Variants in TG observed in about 807,000 individuals in gnomAD.
TG encodes thyroid hormones.
TG carries 270 observed loss-of-function variants against 324.7 expected under a neutral mutation model. The observed-to-expected ratio is 0.83, with a 90% CI of 0.75 to 0.92. The LOEUF (loss-of-function observed/expected upper bound fraction) is 0.92, where lower values mean the gene tolerates loss of function less well. Among genes scored for constraint, TG ranks in the 40% least tolerant of loss-of-function variants. The probability of loss-of-function intolerance (pLI) is 0.00; values close to 1 mark genes in which losing one functional copy is unlikely to be tolerated. For missense variants in TG, 3,591 were observed against 3,456.4 expected, an observed-to-expected ratio of 1.04 and a Z score of -0.98; for synonymous variants, 1,401 against 1,327.0, an observed-to-expected ratio of 1.06 and a Z score of -1.21.
At chr8:133,108,926 A>G (rs1213602880) in intron 43 of TG, among the ~76,000 whole-genome samples, 1 of 152,202 alleles carries the variant, frequency 6.6e-6, no homozygotes, top group African/African-American at 2.4e-5. Flanking sequence ...AAGGTTGTTG[A>G]CCATGTGCCA....
chr8:133,095,119 G>A lies in TG; in HGVS notation c.7315G>A (p.Glu2439Lys). ...AQQQAIALAK[E>K]VSCPMSSSQE... is the part of the protein sequence containing the mutation. Reference sequence around the variant, plus strand: ...GCAGCAGGCAATTGCTTTGGCAAAGGAGGTCAGTTGCCCCATGTCATCCAG... The same window carrying A: ...GCAGCAGGCAATTGCTTTGGCAAAGAAGGTCAGTTGCCCCATGTCATCCAG... The change falls in exon 42 of 48, where the codon GAG (glutamate) becomes AAG (lysine). Residue 2439 changes from glutamate to lysine, a missense_variant. Physicochemically the swap from Glu to Lys is moderately conservative, Grantham distance 56. Coordinates refer to ENST00000220616, the MANE Select transcript of TG (RefSeq NM_003235.5). 6.2e-7 allele frequency: 1 copy of A among 1,614,234 alleles called. No individual in the cohort carries two copies. Among genetic ancestry groups the A allele is most frequent in the East Asian group, 2.2e-5 (1 of 44,884 alleles).
In TG at chr8:132,887,271, C is replaced by T. The variant is rs147501075; in HGVS notation, c.1899C>T (p.Ser633=). 73 of 1,601,510 alleles carry T rather than the reference C, an allele frequency of 4.6e-5. 2 individuals carry two copies. In the South Asian group the frequency reaches 4.6e-4, roughly 10 times the overall value. Residue 633 remains serine (S), a synonymous_variant, in exon 9 of 48, where the codon TCC becomes TCT. Transcript: ENST00000220616. ...EGSYEDVQCF[S]GECWCVNSWG... ...GCTATGAGGATGTCCAATGCTTTTC[C>T]GGAGAGTGCTGGTGTGTGAATTCCT...
At chr8:132,989,853 G>T (rs1316393460) in intron 35 of TG, among the ~76,000 whole-genome samples, 1 of 152,330 alleles carries the variant, frequency 6.6e-6, no homozygotes, top group East Asian at 1.9e-4. Flanking sequence ...GGTGCAGCAC[G>T]TGGGCTTTGA....
intron 41 of TG, chr8:133,038,835 G>A: frequency 2.8e-6 from 2 of 712,198 alleles, no homozygotes; most frequent in Admixed American, 5.7e-5. Context: ...AGGAGGAAAA[G>A]AAAAACAAAA....
In TG at chr8:132,967,832, A is replaced by G. The variant is rs965332065; in HGVS notation, c.5725A>G (p.Ile1909Val). Reference protein sequence around the residue: ...QEHSFCQLAEITESASLYFTC... With the variant: ...QEHSFCQLAEVTESASLYFTC... ...GCACTCTTTCTGTCAGCTCGCAGAG[A>G]TAACAGAGAGTGCATCCTTGTACTT... The change falls in exon 31 of 48, where the codon ATA becomes GTA. Residue 1909 changes from isoleucine to valine, a missense_variant. Physicochemically the swap from Ile to Val is conservative, Grantham distance 29. Coordinates refer to ENST00000220616, the MANE Select transcript of TG (RefSeq NM_003235.5). The G allele has an allele frequency of 6.2e-6, 10 of 1,613,968 alleles. No individual in the cohort carries two copies. The highest frequency in any genetic ancestry group is 8.5e-6 in the Non-Finnish European group (10 of 1,179,904).
At position 133,058,857 on chromosome 8, in the gene TG, G is replaced by A. The variant is rs535931885; in HGVS notation, c.7239+28834G>A. Among the ~76,000 whole-genome samples, 3 of 152,308 alleles carry A rather than the reference G, an allele frequency of 2.0e-5. No individual in the cohort carries two copies. In the South Asian group the frequency reaches 6.2e-4, roughly 32 times the overall value. On this transcript the variant is annotated intron_variant, in intron 41 of 47. Transcript: ENST00000220616. The stretch of plus-strand genomic sequence containing the variant: ...TTTATCCCTCTTGCATTTGGCTTGA[G>A]AAGGAGAGTTACTTCACTAGATAAA...
In TG at chr8:133,134,666, T is replaced by G. The variant is rs753715756; in HGVS notation, c.8189-10T>G. 6.2e-7 allele frequency: 1 copy of G among 1,612,854 alleles called. No individual in the cohort carries two copies. Among genetic ancestry groups the G allele is most frequent in the Non-Finnish European group, 8.5e-7 (1 of 1,178,958 alleles). On this transcript the variant is annotated splice_polypyrimidine_tract_variant and intron_variant, in intron 47 of 47. Coordinates refer to ENST00000220616, the MANE Select transcript of TG (RefSeq NM_003235.5). Reference sequence around the variant, plus strand: ...GGCTTGGACCAACCTTCCTTGCCCCTCTGTTTCAGATGGAGCCAAGGGCGG... The same window carrying G: ...GGCTTGGACCAACCTTCCTTGCCCCGCTGTTTCAGATGGAGCCAAGGGCGG...
rs1385121418 is a variant in TG, at chr8:132,974,172, T to C, written c.6199+1431T>C. 2.6e-5 allele frequency among the ~76,000 whole-genome samples: 4 copies of C among 152,054 alleles called. No individual in the cohort carries two copies. In the East Asian group the frequency reaches 7.7e-4, roughly 29 times the overall value. On this transcript the variant is annotated intron_variant, in intron 34 of 47. Transcript: ENST00000220616. ...CCATGCCCAGCTAATTTTTGTATTT[T>C]CAGTAGAGATGGGATTTCACCATGT...
Position 132,919,738 on chromosome 8 carries a change from C to T in TG, c.4528+213C>T, listed in dbSNP as rs139918385. Among the ~76,000 whole-genome samples, 19 of 152,330 alleles carry T rather than the reference C, an allele frequency of 1.2e-4. No individual in the cohort carries two copies. In the East Asian group the frequency reaches 3.7e-3, roughly 29 times the overall value. ...TGTGACAGCCAAACATGTCTCCAGA[C>T]ATTGCCAAATGTCTCTTGGGTGGAA... On this transcript the variant is annotated intron_variant, in intron 21 of 47. Transcript: ENST00000220616.
intron 45 of TG, among the ~76,000 whole-genome samples, chr8:133,124,093 C>T (rs965667736): frequency 6.6e-6 from 1 of 152,234 alleles, no homozygotes; most frequent in Non-Finnish European, 1.5e-5. Context: ...CCAGACATTG[C>T]ATGAGGAGCT....
chr8:132,999,121 G>A (rs918185150), intron 35 of TG, among the ~76,000 whole-genome samples: 8 of 152,156 alleles, frequency 5.3e-5, no homozygotes, highest in African/African-American at 1.9e-4. Flanking sequence ...ACAGGAGGCT[G>A]GGGAAGGATG....
chr8:133,049,259 C>T (rs1045786645), intron 41 of TG: 2 of 416,184 alleles, frequency 4.8e-6, no homozygotes, highest in African/African-American at 2.1e-5. Flanking sequence ...TTTATCTTAC[C>T]CATTTTTCAA....
intron 41 of TG, chr8:133,036,882 G>A (rs1837206502): frequency 6.6e-6 from 1 of 152,488 alleles, no homozygotes; most frequent in African/African-American, 2.4e-5. Context: ...AAGATACTGT[G>A]CAGACATCTG....
chr8:132,971,887 C>G lies in TG; in HGVS notation c.6055+14C>G, dbSNP rs1236239500. The G allele has an allele frequency of 1.3e-6, 2 of 1,564,952 alleles. No individual in the cohort carries two copies. The highest frequency in any genetic ancestry group is 1.8e-6 in the Non-Finnish European group (2 of 1,135,284). Reference sequence around the variant, plus strand: ...CCCAGTTAAAAGGTAATAATGGTAACAACTTCCTCTCCCCTGCGCACAGTA... The same window carrying G: ...CCCAGTTAAAAGGTAATAATGGTAAGAACTTCCTCTCCCCTGCGCACAGTA... On this transcript the variant is annotated intron_variant, in intron 33 of 47. Coordinates refer to ENST00000220616, the MANE Select transcript of TG (RefSeq NM_003235.5).
chr8:133,102,509 G>A (rs949375337), intron 43 of TG: 24 of 1,545,552 alleles, frequency 1.6e-5, no homozygotes, highest in Non-Finnish European at 1.8e-5. Context: ...GGCCACCTAT[G>A]GCCCACCCAG....
intron 9 of TG, 23 bp from the exon 10 acceptor site, chr8:132,887,961 A>G (rs768826575): frequency 6.2e-7 from 1 of 1,600,204 alleles, no homozygotes; most frequent in South Asian, 1.1e-5. Context: ...AAACTGAAAC[A>G]CCTGCTCATT....
At chr8:132,931,604 C>T (rs1244512136) in intron 23 of TG, among the ~76,000 whole-genome samples, 1 of 152,028 alleles carries the variant, frequency 6.6e-6, no homozygotes, top group Non-Finnish European at 1.5e-5. Flanking sequence ...TGGTAGGAAC[C>T]CTGGTTCTAG....
rs369675355 is a variant in TG, at chr8:132,893,719, C to T, written c.2791C>T (p.Arg931Cys). ...TGGCTCCTGTGAGGAAGCAAAGCTC[C>T]GTGTACTGCAGTTCATTAGGGAAAC... ...CPGSCEEAKL[R>C]VLQFIRETEE... Residue 931 changes from arginine (R) to cysteine (C), a missense_variant, in exon 11 of 48, where the codon CGT becomes TGT. Transcript: ENST00000220616. The T allele has an allele frequency of 7.4e-6, 12 of 1,613,738 alleles. No individual in the cohort carries two copies. In the African/African-American group the frequency reaches 1.2e-4, roughly 16 times the overall value.
At chr8:133,054,759 T>C (rs991172308) in intron 41 of TG, among the ~76,000 whole-genome samples, 1 of 152,144 alleles carries the variant, frequency 6.6e-6, no homozygotes, top group African/African-American at 2.4e-5. Flanking sequence ...ATGAGTCAAG[T>C]TGAACAAAAT....
Sources: gnomAD v4.1 joint callset for allele counts (sites outside exome capture counted in the v4.1 genomes callset) on GRCh38, gnomAD v4.1.1 for gene constraint, MANE v1.5 for transcripts, NCBI Gene and HGNC (gene_info 2026-07-23, HGNC 2026-07-21) for gene names.